The following LEMD1 variants were observed in gnomAD, a reference collection of about 807,000 sequenced individuals.
LEMD1 encodes the protein LEM domain-containing protein 1.
A neutral mutation model predicts 17.4 loss-of-function variants in LEMD1; 18 were observed. The observed-to-expected ratio is 1.04, with a 90% CI of 0.72 to 1.54. The LOEUF (loss-of-function observed/expected upper bound fraction) is 1.54, where lower values mean the gene tolerates loss of function less well. Ranked by LOEUF, LEMD1 falls within the 40% of genes most tolerant of loss-of-function variation. LEMD1 has a pLI of 0.00. For missense variants in LEMD1, 195 were observed against 210.4 expected, an observed-to-expected ratio of 0.93 and a Z score of 0.45; for synonymous variants, 88 against 77.8, an observed-to-expected ratio of 1.13 and a Z score of -0.69.
intron 4 of LEMD1, among the ~76,000 whole-genome samples, chr1:205,393,121 A>G (rs4265485): frequency 0.53 from 81,158 of 151,766 alleles, 21,963 homozygotes; most frequent in South Asian, 0.6. Flanking sequence ...TCTGGGGTCT[A>G]TTATCTAGAA....
At chr1:205,433,127 T>C (rs12116710) in intron 1 of LEMD1, among the ~76,000 whole-genome samples, 8,259 of 152,310 alleles carry the variant, frequency 0.054, 307 homozygotes, top group Non-Finnish European at 0.082. Flanking sequence ...GCTTGTACTT[T>C]AGCTGAGGCA....
chr1:205,442,431 T>A (rs992802381), intron 1 of LEMD1, among the ~76,000 whole-genome samples: 2 of 152,238 alleles, frequency 1.3e-5, no homozygotes, highest in African/African-American at 4.8e-5. Context: ...CTCTGGACAG[T>A]TCCACTGGTC....
At chr1:205,410,835 C>G (rs1665356765) in intron 4 of LEMD1, among the ~76,000 whole-genome samples, 1 of 150,660 alleles carries the variant, frequency 6.6e-6, no homozygotes, top group African/African-American at 2.4e-5. Flanking sequence ...CCACTGCACT[C>G]CAGCCTGGGC....
chr1:205,422,153 T>C (rs202195637), upstream of LEMD1: 3 of 152,182 alleles, frequency 2.0e-5, no homozygotes, highest in East Asian at 5.8e-4. Flanking sequence ...TAGCAACAGA[T>C]TGATGTGCAA....
At chr1:205,413,248 C>A (rs1194090109) in intron 4 of LEMD1, among the ~76,000 whole-genome samples, 1 of 152,082 alleles carries the variant, frequency 6.6e-6, no homozygotes, top group African/African-American at 2.4e-5. Context: ...CCTGTGATAG[C>A]TACTAAATGA....
At chr1:205,383,948 C>CA (rs1663856974) in intron 5 of LEMD1, among the ~76,000 whole-genome samples, 1 of 141,286 alleles carries the variant, frequency 7.1e-6, no homozygotes, top group Admixed American at 7.0e-5. Flanking sequence ...ATATCCTTTA[C>CA]ATTTTTTTTT....
intron 1 of LEMD1, among the ~76,000 whole-genome samples, chr1:205,431,963 C>T (rs1666131513): frequency 6.6e-6 from 1 of 152,170 alleles, no homozygotes; most frequent in Admixed American, 6.5e-5. Flanking sequence ...GGTCCACCCA[C>T]CTCGACCTCC....
chr1:205,431,726 CTTTT>C (rs1350697667), intron 1 of LEMD1, among the ~76,000 whole-genome samples: 1 of 151,028 alleles, frequency 6.6e-6, no homozygotes, highest in African/African-American at 2.4e-5. Flanking sequence ...TTCTTTCTTT[CTTTT>C]TTTTTGAGAC....
chr1:205,401,704 T>TA (rs1664862225), intron 4 of LEMD1, among the ~76,000 whole-genome samples: 1 of 152,212 alleles, frequency 6.6e-6, no homozygotes, highest in African/African-American at 2.4e-5. Flanking sequence ...CTCTTTAGTT[T>TA]AATTAGATCC....
chr1:205,389,212 C>A (rs566927408), intron 4 of LEMD1, among the ~76,000 whole-genome samples: 36 of 151,878 alleles, frequency 2.4e-4, no homozygotes, highest in Non-Finnish European at 4.0e-4. Context: ...CCATGCCTGG[C>A]TAATTTTTGT....
chr1:205,445,635 T>A lies in LEMD1; in HGVS notation c.-39+4233A>T, dbSNP rs528077383. Among the ~76,000 whole-genome samples the A allele has an allele frequency of 1.2e-4, 18 of 152,320 alleles. No homozygotes were observed. In the South Asian group the frequency reaches 3.7e-3, roughly 32 times the overall value. ...AGGGCAGCCAAGCATTCTCAGTGGT[T>A]CTGAGATTCTTGGGAGCTGGAGAGG... On this transcript the variant is annotated intron_variant, in intron 1 of 3. Transcript: ENST00000367154.
chr1:205,438,231 G>A (rs1000835813), intron 1 of LEMD1, among the ~76,000 whole-genome samples: 5 of 152,216 alleles, frequency 3.3e-5, no homozygotes, highest in Non-Finnish European at 7.3e-5. Flanking sequence ...TCTGCAAGGA[G>A]GAATCAGTGC....
intron 3 of LEMD1, among the ~76,000 whole-genome samples, chr1:205,417,342 G>A (rs1665738756): frequency 6.6e-6 from 1 of 152,212 alleles, no homozygotes; most frequent in Non-Finnish European, 1.5e-5. Context: ...ACGCACTTCT[G>A]TAGAGGGCTA....
intron 1 of LEMD1, among the ~76,000 whole-genome samples, chr1:205,446,386 C>T (rs1344076599): frequency 6.6e-6 from 1 of 152,206 alleles, no homozygotes; most frequent in African/African-American, 2.4e-5. Context: ...TTACCCCATC[C>T]ATCTTTTCTC....
intron 4 of LEMD1, chr1:205,387,283 T>C (rs994565715): frequency 2.0e-5 from 3 of 152,124 alleles, no homozygotes; most frequent in African/African-American, 7.2e-5. Context: ...TAATTATTAT[T>C]ATAAAGGCCA....
At chr1:205,407,285 G>A (rs889929827) in intron 4 of LEMD1, among the ~76,000 whole-genome samples, 13 of 141,150 alleles carry the variant, frequency 9.2e-5, no homozygotes, top group East Asian at 4.2e-4. Context: ...AGCTGAAATC[G>A]CACCATTGCA....
intron 3 of LEMD1, among the ~76,000 whole-genome samples, chr1:205,416,812 T>C (rs1221888277): frequency 6.6e-6 from 1 of 152,222 alleles, no homozygotes; most frequent in East Asian, 1.9e-4. Flanking sequence ...TGCACATCCA[T>C]TTTAAATGAG....
chr1:205,399,827 A>G lies in LEMD1; in HGVS notation c.271-15463T>C, dbSNP rs574661520. 2.0e-5 allele frequency among the ~76,000 whole-genome samples: 3 copies of G among 152,340 alleles called. No homozygotes were observed. The South Asian group carries it at 6.2e-4, about 32-fold the overall frequency. ...AGTGAGTGAGTGAGTTATTGAATGAATAGGGAGAAAGGAAAATGCTTCTTA... is the reference window on the plus strand; with the variant it reads ...AGTGAGTGAGTGAGTTATTGAATGAGTAGGGAGAAAGGAAAATGCTTCTTA... On this transcript the variant is annotated intron_variant, in intron 4 of 5. Coordinates refer to ENST00000367153, the MANE Select transcript of LEMD1 (RefSeq NM_001199050.2).
chr1:205,400,348 A>G (rs1664783355), intron 4 of LEMD1, among the ~76,000 whole-genome samples: 2 of 152,224 alleles, frequency 1.3e-5, no homozygotes, highest in South Asian at 4.1e-4. Flanking sequence ...GTGAGCCACT[A>G]TGCCTGGCCA....
Sources: allele counts gnomAD v4.1 joint callset (sites outside exome capture counted in the v4.1 genomes callset), GRCh38; gene constraint gnomAD v4.1.1; transcripts MANE v1.5; gene names NCBI Gene and HGNC (gene_info 2026-07-23, HGNC 2026-07-21).